AGO2: variants seen among roughly 807,000 people sequenced by gnomAD.
AGO2 encodes the protein protein argonaute-2.
In AGO2, 5 loss-of-function variants were observed where a neutral mutation model predicts 102.3. The observed-to-expected ratio is 0.05, with a 90% CI of 0.03 to 0.10. The LOEUF is 0.10. Ranked by LOEUF, AGO2 falls within the 10% of genes least tolerant of loss-of-function variation. The pLI is 1.00. For missense variants in AGO2, 541 were observed against 1,183.7 expected (o/e 0.46, Z 7.97); for synonymous variants, 449 against 473.1 (o/e 0.95, Z 0.66).
rs1392286039 is a variant in AGO2 at position 140,539,783 on chromosome 8, T to C, written c.2035-329A>G. ...AAGGCACATGCAGAGGCCAAGCTCCTGCAGAAGCTCAGGGCAGGCTTTGGG... is the reference window on the plus strand; with the variant it reads ...AAGGCACATGCAGAGGCCAAGCTCCCGCAGAAGCTCAGGGCAGGCTTTGGG... On this transcript the variant is annotated intron_variant, in intron 15 of 18. Coordinates refer to ENST00000220592, the MANE Select transcript of AGO2 (RefSeq NM_012154.5). This position sits in a 1 kb window ranked among gnomAD's most constrained non-coding sequence, Gnocchi z 4.7. Among the ~76,000 whole-genome samples the C allele has an allele frequency of 6.6e-6, 1 of 152,222 alleles. No individual in the cohort carries two copies. The highest frequency in any genetic ancestry group is 1.5e-5 in the Non-Finnish European group (1 of 68,032).
In AGO2 at chr8:140,560,489, G is replaced by C. The variant is rs750127721; in HGVS notation, c.540C>G (p.Ser180=). The change falls in exon 5 of 19, where the codon TCC becomes TCG. Residue 180 remains serine (S), a synonymous_variant. Coordinates refer to ENST00000220592, the MANE Select transcript of AGO2 (RefSeq NM_012154.5). ...PSMRYTPVGR[S]FFTASEGCSN... ...AGCAGCCTTCGGACGCGGTGAAGAA[G>C]GAGCGGCCCACGGGGGTGTACCTGG... 6.2e-7 allele frequency: 1 copy of C among 1,614,170 alleles called. No individual in the cohort carries two copies. Among genetic ancestry groups the C allele is most frequent in the South Asian group, 1.1e-5 (1 of 91,086 alleles).
At position 140,530,087 on chromosome 8, in the gene AGO2, T is replaced by TAAA. The variant is rs148236264; in HGVS notation, c.*1956_*1957insTTT. ...TGGGAGCTTCTGTCATTTAAAAAGA[T>TAAA]TAAAAAAAAATACAGCCAGAAGAGA... On this transcript the variant is annotated 3_prime_UTR_variant, in exon 19 of 19. Transcript: ENST00000220592. 37,354 of 150,944 alleles carry TAAA rather than the reference T, an allele frequency of 0.25. 4,950 individuals carry two copies. The highest frequency in any genetic ancestry group is 0.34 in the African/African-American group (13,882 of 40,966). 9.4% of individuals were successfully genotyped at this position (150,944 alleles called of 1,614,324 possible).
intron 13 of AGO2, among the ~76,000 whole-genome samples, chr8:140,547,199 GCTCT>G (rs1564078942): frequency 5.3e-5 from 8 of 152,342 alleles, no homozygotes; most frequent in African/African-American, 1.9e-4. Flanking sequence ...GGCATGCCCT[GCTCT>G]GCCTTGCCCA....
chr8:140,585,657 C>G (rs1015512698), intron 1 of AGO2, among the ~76,000 whole-genome samples: 1 of 152,144 alleles, frequency 6.6e-6, no homozygotes, highest in Non-Finnish European at 1.5e-5. Flanking sequence ...TTAAACCGCT[C>G]GTTTACTCAG....
rs373032602 is a variant in AGO2, at chr8:140,623,590, C to T, written c.22+11895G>A. On this transcript the variant is annotated intron_variant, in intron 1 of 18. Transcript: ENST00000220592. ...TCCAGAAGGGCAGGGCTGGTGGGAG[C>T]GGAGGGTGCCGTCTTGCTGCGTGCC... 4.6e-5 allele frequency among the ~76,000 whole-genome samples: 7 copies of T among 152,242 alleles called. No homozygotes were observed. The East Asian group carries it at 5.8e-4, about 13-fold the overall frequency.
chr8:140,556,411 T>C lies in AGO2; in HGVS notation c.1027-125A>G, dbSNP rs545220684. ...CCGTCTCTGCCTCATCCCTGGGCTA[T>C]GAAGTGCTGTGCAGGTGTCTGCTGT... is the stretch of plus-strand genomic sequence containing the variant. On this transcript the variant is annotated intron_variant, in intron 8 of 18. Coordinates refer to ENST00000220592, the MANE Select transcript of AGO2 (RefSeq NM_012154.5). 13 of 1,251,338 alleles carry C rather than the reference T, an allele frequency of 1.0e-5. No homozygotes were observed. In the East Asian group the frequency reaches 2.4e-4, roughly 23 times the overall value. 77.5% of individuals were successfully genotyped at this position (1,251,338 alleles called of 1,614,324 possible). A position where few individuals can be genotyped will look rare whatever the true frequency, so the allele number is the denominator to read the frequency against.
intron 17 of AGO2, 58 bp downstream of exon 17, chr8:140,535,410 T>G: frequency 6.5e-7 from 1 of 1,549,078 alleles, no homozygotes; most frequent in Non-Finnish European, 8.9e-7. Flanking sequence ...GTTTGCTGAA[T>G]GTGGGGATGA....
At chr8:140,594,199 G>A (rs1588488336) in intron 1 of AGO2, among the ~76,000 whole-genome samples, 1 of 152,192 alleles carries the variant, frequency 6.6e-6, no homozygotes, top group African/African-American at 2.4e-5. Flanking sequence ...ACTCGGGTTG[G>A]CTGGAGGGGG....
In AGO2 at chr8:140,527,867, A is replaced by G. The variant is rs1441959300; in HGVS notation, c.*4177T>C. The stretch of plus-strand genomic sequence containing the variant: ...CTCCTAATGGAACTGCCTTATGTGT[A>G]GGAAAATGCCCATGAAAAATCCTTT... On this transcript the variant is annotated 3_prime_UTR_variant, in exon 19 of 19. Coordinates refer to ENST00000220592, the MANE Select transcript of AGO2 (RefSeq NM_012154.5). The surrounding 1 kb of genome is among the most constrained non-coding windows in gnomAD (Gnocchi z 6.0). 1 of 152,208 alleles carries G rather than the reference A, an allele frequency of 6.6e-6. No individual in the cohort carries two copies. Among genetic ancestry groups the G allele is most frequent in the Non-Finnish European group, 1.5e-5 (1 of 68,046 alleles). The allele number at this position is 152,208 out of a possible 1,614,324, so 9.4% of individuals were successfully genotyped here.
chr8:140,636,044 C>A (rs1007998233), upstream of AGO2, among the ~76,000 whole-genome samples: 13 of 151,338 alleles, frequency 8.6e-5, no homozygotes, highest in East Asian at 9.9e-4. Context: ...GGAGGCCACG[C>A]GCCCCCGCTT....
At chr8:140,546,272 C>T (rs994829286) in intron 13 of AGO2, among the ~76,000 whole-genome samples, 2 of 152,240 alleles carry the variant, frequency 1.3e-5, no homozygotes, top group African/African-American at 2.4e-5. Context: ...ATGAATTCAA[C>T]GGACTGTTTC....
intron 1 of AGO2, among the ~76,000 whole-genome samples, chr8:140,614,307 G>C (rs1004921493): frequency 1.3e-5 from 2 of 152,232 alleles, no homozygotes; most frequent in Admixed American, 1.3e-4. Flanking sequence ...CTAGGAGACA[G>C]AGTGAGACTC....
rs2073299338 is a variant in AGO2, at chr8:140,567,039, C to T, written c.337-4405G>A. ...CGGCATCCAGCCTACAGTGCTGTGC[C>T]CTGGCACGGATCGGATGCCTGTCAA... On this transcript the variant is annotated intron_variant, in intron 3 of 18. Transcript: ENST00000220592. This position sits in a 1 kb window ranked among gnomAD's most constrained non-coding sequence, Gnocchi z 5.0. Among the ~76,000 whole-genome samples, 1 of 152,254 alleles carries T rather than the reference C, an allele frequency of 6.6e-6. No homozygotes were observed. The highest frequency in any genetic ancestry group is 1.5e-5 in the Non-Finnish European group (1 of 68,042).
rs1208015322 is a variant in AGO2 at position 140,589,248 on chromosome 8, C to T, written c.23-3937G>A. ...AATAAAGTGCAGGCCTGCCAGGATT[C>T]CCCGCAGACGTGTACCCTGAGGCGG... On this transcript the variant is annotated intron_variant, in intron 1 of 18. Coordinates refer to ENST00000220592, the MANE Select transcript of AGO2 (RefSeq NM_012154.5). This position sits in a 1 kb window ranked among gnomAD's most constrained non-coding sequence, Gnocchi z 4.2. 6.6e-6 allele frequency among the ~76,000 whole-genome samples: 1 copy of T among 152,162 alleles called. No individual in the cohort carries two copies. The highest frequency in any genetic ancestry group is 1.5e-5 in the Non-Finnish European group (1 of 68,016).
chr8:140,641,917 C>T, the AGO2 span, among the ~76,000 whole-genome samples: 2 of 152,238 alleles, frequency 1.3e-5, no homozygotes, highest in East Asian at 3.9e-4. Flanking sequence ...TGGCACATAC[C>T]TATAGTCTCA....
At chr8:140,553,851 A>C (rs2132921536) in intron 10 of AGO2, among the ~76,000 whole-genome samples, 1 of 152,100 alleles carries the variant, frequency 6.6e-6, no homozygotes, top group East Asian at 1.9e-4. Context: ...GGCGCATGCC[A>C]CCATGCCCAG....
chr8:140,613,178 C>T (rs986443920), intron 1 of AGO2, among the ~76,000 whole-genome samples: 18 of 152,008 alleles, frequency 1.2e-4, no homozygotes, highest in Admixed American at 3.9e-4. Context: ...CCAGCCTGGG[C>T]GACAGAGCAA....
intron 1 of AGO2, among the ~76,000 whole-genome samples, chr8:140,597,474 ACCC>A (rs1163320106): frequency 2.0e-4 from 9 of 45,242 alleles, no homozygotes; most frequent in African/African-American, 7.1e-4. Context: ...TGGCCCCCCC[ACCC>A]CCCCCCCCCC....
In AGO2 at chr8:140,589,711, G is replaced by A. The variant is rs536895983; in HGVS notation, c.23-4400C>T. ...ACTTCTGTGCCATACCCTGGGCCAAGCCAGGTGCAGATATGGTCTCTGTGA... is the reference window on the plus strand; with the variant it reads ...ACTTCTGTGCCATACCCTGGGCCAAACCAGGTGCAGATATGGTCTCTGTGA... On this transcript the variant is annotated intron_variant, in intron 1 of 18. Coordinates refer to ENST00000220592, the MANE Select transcript of AGO2 (RefSeq NM_012154.5). This position sits in a 1 kb window ranked among gnomAD's most constrained non-coding sequence, Gnocchi z 4.2. Among the ~76,000 whole-genome samples the A allele has an allele frequency of 6.6e-5, 10 of 152,272 alleles. No individual in the cohort carries two copies. The East Asian group carries it at 1.6e-3, about 24-fold the overall frequency.
Sources: gnomAD v4.1 joint callset for allele counts (sites outside exome capture counted in the v4.1 genomes callset) on GRCh38, gnomAD v4.1.1 for gene constraint, Gnocchi (gnomAD v3.1) non-coding constraint, MANE v1.5 for transcripts, NCBI Gene and HGNC (gene_info 2026-07-23, HGNC 2026-07-21) for gene names.